Variants in SPRING1 observed in about 807,000 individuals in gnomAD.
SPRING1 encodes the protein SREBF pathway regulator in golgi 1.
SPRING1 carries 14 observed loss-of-function variants against 24.7 expected under a neutral mutation model. That is an observed-to-expected ratio of 0.57 (90% CI 0.37 to 0.88). SPRING1 has a LOEUF of 0.88. SPRING1 is among the 40% of genes least tolerant of loss of function. SPRING1 has a pLI of 0.00. For missense variants in SPRING1, 255 were observed against 268.4 expected, an observed-to-expected ratio of 0.95 and a Z score of 0.35; for synonymous variants, 93 against 106.1, an observed-to-expected ratio of 0.88 and a Z score of 0.76.
rs1870137791 is a variant in SPRING1 at position 116,716,485 on chromosome 12, C to G, written c.*1325G>C. ...GAGGAATATAGGAGAGTTGTGTGTT[C>G]ACGTGACTCCTGAAAACAAAGAGCA... On this transcript the variant is annotated 3_prime_UTR_variant, in exon 5 of 5. Coordinates refer to ENST00000261318, the MANE Select transcript of SPRING1 (RefSeq NM_024738.4). 2 of 152,662 alleles carry G rather than the reference C, an allele frequency of 1.3e-5. No individual in the cohort carries two copies. Among genetic ancestry groups the G allele is most frequent in the South Asian group, 4.1e-4 (2 of 4,834 alleles). The allele number at this position is 152,662 out of a possible 1,614,324, so 9.5% of individuals were successfully genotyped here. A position where few individuals can be genotyped will look rare whatever the true frequency, so the allele number is the denominator to read the frequency against.
chr12:116,723,854 C>T (rs1029041698), intron 1 of SPRING1, among the ~76,000 whole-genome samples: 2 of 152,154 alleles, frequency 1.3e-5, no homozygotes, highest in South Asian at 4.1e-4. Context: ...GCCCTCTACC[C>T]GGACAAGCAA....
intron 1 of SPRING1, among the ~76,000 whole-genome samples, chr12:116,726,230 T>A (rs1304588721): frequency 6.6e-6 from 1 of 152,234 alleles, no homozygotes; most frequent in Non-Finnish European, 1.5e-5. Flanking sequence ...CAGGTTTTTG[T>A]TATCATAGAT....
At chr12:116,732,534 C>T (rs931508280) in intron 1 of SPRING1, among the ~76,000 whole-genome samples, 1 of 152,138 alleles carries the variant, frequency 6.6e-6, no homozygotes, top group African/African-American at 2.4e-5. Context: ...ATGGCGAAAC[C>T]CCGTCTCTAC....
At chr12:116,732,527 G>A (rs1871025184) in intron 1 of SPRING1, among the ~76,000 whole-genome samples, 1 of 152,154 alleles carries the variant, frequency 6.6e-6, no homozygotes, top group African/African-American at 2.4e-5. Context: ...GGCCAACATG[G>A]CGAAACCCCG....
chr12:116,731,856 G>T (rs557030436), intron 1 of SPRING1, among the ~76,000 whole-genome samples: 1 of 152,164 alleles, frequency 6.6e-6, no homozygotes, highest in Non-Finnish European at 1.5e-5. Flanking sequence ...TGGGTAAGCC[G>T]AGGGGTTCTG....
intron 2 of SPRING1, among the ~76,000 whole-genome samples, chr12:116,721,342 A>G (rs1195167133): frequency 3.3e-5 from 5 of 152,252 alleles, no homozygotes; most frequent in African/African-American, 1.2e-4. Context: ...CCACAGGTGC[A>G]GAGCAGCTGC....
chr12:116,717,960 AGAGTGAG>A lies in SPRING1; in HGVS notation c.535-74_535-68del. 7.7e-7 allele frequency: 1 copy of A among 1,302,138 alleles called. No homozygotes were observed. The highest frequency in any genetic ancestry group is 2.7e-5 in the East Asian group (1 of 36,828). 80.7% of individuals were successfully genotyped at this position (1,302,138 alleles called of 1,614,324 possible). Reference sequence around the variant, plus strand: ...CAGCTTCACACACCTCCCTCTCGGAAGAGTGAGAGTGGATCGGGACTGTCAGACTCTC... The same window carrying A: ...CAGCTTCACACACCTCCCTCTCGGAAAGTGGATCGGGACTGTCAGACTCTC... On this transcript the variant is annotated intron_variant, in intron 4 of 4. Coordinates refer to ENST00000261318, the MANE Select transcript of SPRING1 (RefSeq NM_024738.4). This position sits in a 1 kb window ranked among gnomAD's most constrained non-coding sequence, Gnocchi z 4.2.
chr12:116,719,751 A>G lies in SPRING1; in HGVS notation c.534+12T>C, dbSNP rs1277932385. The G allele has an allele frequency of 1.2e-6, 2 of 1,606,066 alleles. No homozygotes were observed. The highest frequency in any genetic ancestry group is 2.2e-5 in the South Asian group (2 of 90,922). On this transcript the variant is annotated intron_variant, in intron 4 of 4. Coordinates refer to ENST00000261318, the MANE Select transcript of SPRING1 (RefSeq NM_024738.4). ...CTGCCATCCCACAGCTAGAGACATC[A>G]CAGCTTCTGACCTGAGATGAGGTCC...
intron 2 of SPRING1, among the ~76,000 whole-genome samples, chr12:116,722,434 A>C (rs1208802893): frequency 6.6e-6 from 1 of 152,224 alleles, no homozygotes; most frequent in East Asian, 1.9e-4. Flanking sequence ...CACATCCTGT[A>C]AGAAGCCCTG....
intron 1 of SPRING1, among the ~76,000 whole-genome samples, chr12:116,731,386 C>G (rs1171666928): frequency 6.6e-6 from 1 of 152,116 alleles, no homozygotes; most frequent in African/African-American, 2.4e-5. Flanking sequence ...GATCCCCTGA[C>G]AGAGTCTCAG....
At chr12:116,730,862 G>A (rs890373581) in intron 1 of SPRING1, among the ~76,000 whole-genome samples, 2 of 152,146 alleles carry the variant, frequency 1.3e-5, no homozygotes, top group African/African-American at 2.4e-5. Context: ...TATTATCATT[G>A]GCAAATAATG....
Position 116,713,109 on chromosome 12 carries a change from T to G in SPRING1, c.*4701A>C, listed in dbSNP as rs1250909485. 6.6e-6 allele frequency: 1 copy of G among 152,124 alleles called. No individual in the cohort carries two copies. Among genetic ancestry groups the G allele is most frequent in the Non-Finnish European group, 1.5e-5 (1 of 68,044 alleles). 9.4% of individuals were successfully genotyped at this position (152,124 alleles called of 1,614,324 possible). On this transcript the variant is annotated 3_prime_UTR_variant, in exon 5 of 5. Coordinates refer to ENST00000261318, the MANE Select transcript of SPRING1 (RefSeq NM_024738.4). ...GTGTCGTGGGGGCTGTTGGGCACCATCCCTGGCCTCCCTCCACGAGTGCCC... is the reference window on the plus strand; with the variant it reads ...GTGTCGTGGGGGCTGTTGGGCACCAGCCCTGGCCTCCCTCCACGAGTGCCC...
intron 1 of SPRING1, among the ~76,000 whole-genome samples, chr12:116,729,087 C>A (rs990418817): frequency 6.6e-6 from 1 of 151,970 alleles, no homozygotes; most frequent in Non-Finnish European, 1.5e-5. Flanking sequence ...TGTGAAAAAA[C>A]ACTTAAAAAA....
Position 116,710,999 on chromosome 12 carries a change from C to T in SPRING1, c.*6811G>A, listed in dbSNP as rs907304438. On this transcript the variant is annotated 3_prime_UTR_variant, in exon 5 of 5. Transcript: ENST00000261318. ...GATATTGCTCACATACTTCATACTG[C>T]TTTTGTTACACACACACACACACAC... 2 of 104,464 alleles carry T rather than the reference C, an allele frequency of 1.9e-5. No homozygotes were observed. Among genetic ancestry groups the T allele is most frequent in the East Asian group, 3.3e-4 (1 of 3,052 alleles). 6.5% of individuals were successfully genotyped at this position (104,464 alleles called of 1,614,324 possible).
In SPRING1 at chr12:116,720,850, A is replaced by G. The variant is rs897607453; in HGVS notation, c.269-403T>C. On this transcript the variant is annotated intron_variant, in intron 2 of 4. Transcript: ENST00000261318. The surrounding 1 kb of genome is among the most constrained non-coding windows in gnomAD (Gnocchi z 4.0). The stretch of plus-strand genomic sequence containing the variant: ...GTTTAAAACAGAAAAAAACCGAGGC[A>G]CTGATTCACAAAAGTGAGGTCCTTC... Among the ~76,000 whole-genome samples the G allele has an allele frequency of 1.3e-5, 2 of 152,202 alleles. No homozygotes were observed. Among genetic ancestry groups the G allele is most frequent in the African/African-American group, 4.8e-5 (2 of 41,464 alleles).
At chr12:116,731,201 A>C (rs2137043688) in intron 1 of SPRING1, among the ~76,000 whole-genome samples, 1 of 152,364 alleles carries the variant, frequency 6.6e-6, no homozygotes, top group East Asian at 1.9e-4. Flanking sequence ...AAAAACTACA[A>C]GTATGGCCGT....
intron 1 of SPRING1, among the ~76,000 whole-genome samples, chr12:116,732,060 C>T (rs968257926): frequency 6.6e-6 from 1 of 152,170 alleles, no homozygotes; most frequent in African/African-American, 2.4e-5. Flanking sequence ...TTGTGAACAA[C>T]CCTGCTAACT....
intron 1 of SPRING1, among the ~76,000 whole-genome samples, chr12:116,724,027 T>A (rs1252429455): frequency 6.6e-6 from 1 of 152,154 alleles, no homozygotes; most frequent in Non-Finnish European, 1.5e-5. Flanking sequence ...GGAAGCTGCC[T>A]AAGTGCTAGA....
rs750739050 is a variant in SPRING1, at chr12:116,737,773, G to C, written c.111+17C>G. On this transcript the variant is annotated intron_variant, in intron 1 of 4. Transcript: ENST00000261318. ...AAGGAAGAAGGGAAGGGGAGGAGGGGAAGGGCGGCCACTGACCTGCTTGAA... is the reference window on the plus strand; with the variant it reads ...AAGGAAGAAGGGAAGGGGAGGAGGGCAAGGGCGGCCACTGACCTGCTTGAA... The C allele has an allele frequency of 3.5e-6, 5 of 1,445,084 alleles. No individual in the cohort carries two copies. The South Asian group carries it at 3.5e-5, about 10-fold the overall frequency. The allele number at this position is 1,445,084 out of a possible 1,614,324, so 89.5% of individuals were successfully genotyped here. A position where few individuals can be genotyped will look rare whatever the true frequency, so the allele number is the denominator to read the frequency against.
Sources: allele counts gnomAD v4.1 joint callset (sites outside exome capture counted in the v4.1 genomes callset), GRCh38; gene constraint gnomAD v4.1.1; non-coding constraint Gnocchi (gnomAD v3.1); transcripts MANE v1.5; gene names NCBI Gene and HGNC (gene_info 2026-07-23, HGNC 2026-07-21).